Variants in FAM98A observed in about 807,000 individuals in gnomAD.
FAM98A encodes tRNA splicing ligase complex subunit 3A, also known as protein FAM98A.
Under a neutral mutation model 62.9 loss-of-function variants are expected in FAM98A, and 25 were observed. The observed-to-expected ratio is 0.40, with a 90% CI of 0.29 to 0.56. The LOEUF (loss-of-function observed/expected upper bound fraction) is 0.56, where lower values mean the gene tolerates loss of function less well. FAM98A is among the 20% of genes least tolerant of loss of function. The pLI is 0.51. For missense variants in FAM98A, 653 were observed against 640.7 expected, an observed-to-expected ratio of 1.02 and a Z score of -0.21; for synonymous variants, 252 against 228.6, an observed-to-expected ratio of 1.10 and a Z score of -0.92.
At chr2:33,586,917 T>C (rs1677570023) in intron 5 of FAM98A, 1 of 537,998 alleles carries the variant, frequency 1.9e-6, no homozygotes, top group Non-Finnish European at 3.3e-6. Flanking sequence ...TCCCATAATT[T>C]ACTGTGTGAA....
At chr2:33,585,891 G>T (rs573536888) in intron 6 of FAM98A, among the ~76,000 whole-genome samples, 194 bp from the exon 7 acceptor site, 45 of 152,282 alleles carry the variant, frequency 3.0e-4, no homozygotes, top group Non-Finnish European at 5.9e-4. Context: ...TGCCAGACTT[G>T]TTGACACAAC....
chr2:33,599,144 G>C, intron 1 of FAM98A, 25 bp downstream of exon 1: 1 of 1,608,096 alleles, frequency 6.2e-7, no homozygotes, highest in Non-Finnish European at 8.5e-7. Context: ...TGGGGCTTGG[G>C]AGACCCGTGC....
chr2:33,585,430 C>A lies in FAM98A; in HGVS notation c.903G>T (p.Arg301Ser), dbSNP rs762814942. ...TGGGTCTACCACCTCTGTCAGGCACCCTGCCCATCAACACCTACAGAATAG... is the reference window on the plus strand; with the variant it reads ...TGGGTCTACCACCTCTGTCAGGCACACTGCCCATCAACACCTACAGAATAG... Reference protein sequence around the residue: ...ACAINKVLMGRVPDRGGRPNE... With the variant: ...ACAINKVLMGSVPDRGGRPNE... Residue 301 changes from arginine (R) to serine (S), a missense_variant, in exon 8 of 8, where the codon AGG becomes AGT. By Grantham distance (110) the Arg-to-Ser change is moderately radical. Coordinates refer to ENST00000238823, the MANE Select transcript of FAM98A (RefSeq NM_015475.5). The A allele has an allele frequency of 3.1e-6, 5 of 1,613,964 alleles. No individual in the cohort carries two copies. The African/African-American group carries it at 5.3e-5, about 17-fold the overall frequency.
chr2:33,594,986 T>C lies in FAM98A; in HGVS notation c.202+503A>G, dbSNP rs149141865. ...CAGCTCTCAGATCCATAAATTTGAT[T>C]GTCCTGGATCTCACTGTGATGTATC... On this transcript the variant is annotated intron_variant, in intron 2 of 7. Transcript: ENST00000238823. Among the ~76,000 whole-genome samples the C allele has an allele frequency of 1.7e-3, 256 of 152,336 alleles. 1 individual carries two copies. Among genetic ancestry groups the C allele is most frequent in the African/African-American group, 5.8e-3 (242 of 41,576 alleles).
At chr2:33,590,890 A>T (rs1029391998) in intron 3 of FAM98A, among the ~76,000 whole-genome samples, 4 of 152,190 alleles carry the variant, frequency 2.6e-5, no homozygotes, top group African/African-American at 4.8e-5. Flanking sequence ...ATTAGTAAGC[A>T]TTCCACACAG....
At chr2:33,594,820 G>A (rs952237243) in intron 2 of FAM98A, among the ~76,000 whole-genome samples, 1 of 152,056 alleles carries the variant, frequency 6.6e-6, no homozygotes, top group Non-Finnish European at 1.5e-5. Context: ...TAACAGGTGA[G>A]TATTTTCCTT....
chr2:33,586,490 T>C (rs1677557051), intron 6 of FAM98A, 72 bp downstream of exon 6: 4 of 993,318 alleles, frequency 4.0e-6, no homozygotes, highest in South Asian at 1.4e-5. Flanking sequence ...AGTTGCCAAG[T>C]AGCTAAATTG....
chr2:33,588,558 C>T (rs1677607744), intron 3 of FAM98A, 39 bp from the exon 4 acceptor site: 1 of 1,554,546 alleles, frequency 6.4e-7, no homozygotes, highest in Admixed American at 1.7e-5. Context: ...TGAGATACAG[C>T]TATAGTTATA....
At chr2:33,587,147 C>T in intron 5 of FAM98A, 93 bp downstream of exon 5, 1 of 801,418 alleles carries the variant, frequency 1.2e-6, no homozygotes, top group South Asian at 1.6e-5. Flanking sequence ...TATAAGAAAA[C>T]ATAATTTAAA....
At chr2:33,588,939 T>C (rs1353289168) in intron 3 of FAM98A, 1 of 152,992 alleles carries the variant, frequency 6.5e-6, no homozygotes, top group Non-Finnish European at 1.5e-5. Flanking sequence ...TGAGCATCAA[T>C]GACACAACTA....
rs1334315581 is a variant in FAM98A at position 33,584,293 on chromosome 2, A to G, written c.*483T>C. On this transcript the variant is annotated 3_prime_UTR_variant, in exon 8 of 8. Coordinates refer to ENST00000238823, the MANE Select transcript of FAM98A (RefSeq NM_015475.5). ...TGAAGCACACGTGGCATAAAAGTCAACCGGGGGGCAGAACTGTGCTTGGAA... is the reference window on the plus strand; with the variant it reads ...TGAAGCACACGTGGCATAAAAGTCAGCCGGGGGGCAGAACTGTGCTTGGAA... 1 of 157,488 alleles carries G rather than the reference A, an allele frequency of 6.3e-6. No individual in the cohort carries two copies. The highest frequency in any genetic ancestry group is 6.1e-5 in the Admixed American group (1 of 16,418). 9.8% of individuals were successfully genotyped at this position (157,488 alleles called of 1,614,324 possible).
chr2:33,590,165 A>G (rs1287572252), intron 3 of FAM98A, among the ~76,000 whole-genome samples: 2 of 152,150 alleles, frequency 1.3e-5, no homozygotes, highest in East Asian at 3.8e-4. Flanking sequence ...AAAGATGAAT[A>G]GTTCTTCATC....
chr2:33,585,121 G>T lies in FAM98A; in HGVS notation c.1212C>A (p.Phe404Leu), dbSNP rs371580105. The change falls in exon 8 of 8, where the codon TTC becomes TTA. Residue 404 changes from phenylalanine (F) to leucine (L), a missense_variant. Transcript: ENST00000238823. ...GGCCACCATGATAGCCACCTGGCTG[G>T]AAACCTGAATCTCGATAACCACCAT... is the stretch of plus-strand genomic sequence containing the variant. ...YQDGGYRDSG[F>L]QPGGYHGGHS... 150 of 1,613,982 alleles carry T rather than the reference G, an allele frequency of 9.3e-5. No individual in the cohort carries two copies. The highest frequency in any genetic ancestry group is 1.3e-4 in the Non-Finnish European group (148 of 1,180,014).
chr2:33,592,071 T>C lies in FAM98A; in HGVS notation c.337+9A>G, dbSNP rs141905297. 1.7e-5 allele frequency: 27 copies of C among 1,611,136 alleles called. No homozygotes were observed. In the African/African-American group the frequency reaches 3.1e-4, roughly 18 times the overall value. ...AGTAATAGCTATATTCTAGTAGCCA[T>C]GAACTTACTGAGCAAGAGGAGGCAG... On this transcript the variant is annotated intron_variant, in intron 3 of 7. Coordinates refer to ENST00000238823, the MANE Select transcript of FAM98A (RefSeq NM_015475.5).
chr2:33,596,167 A>G (rs1024916673), intron 1 of FAM98A, among the ~76,000 whole-genome samples: 2 of 151,972 alleles, frequency 1.3e-5, no homozygotes, highest in African/African-American at 4.8e-5. Flanking sequence ...TTTATTTTTT[A>G]TAAAATAGCC....
At chr2:33,594,897 T>C (rs1677773182) in intron 2 of FAM98A, among the ~76,000 whole-genome samples, 1 of 152,142 alleles carries the variant, frequency 6.6e-6, no homozygotes, top group South Asian at 2.1e-4. Flanking sequence ...GTTCCAAGCT[T>C]TTGCCTCTTT....
Position 33,585,075 on chromosome 2 carries a change from C to T in FAM98A, c.1258G>A (p.Gly420Ser). Residue 420 changes from glycine to serine, a missense_variant, in exon 8 of 8, where the codon GGC (glycine) becomes AGC (serine). Transcript: ENST00000238823. ...HGGHSSGGYQ[G>S]GGYGGFQTSS... ...GTTTGGAAGCCACCATAACCTCCGC[C>T]TTGATAGCCACCACTGCTGTGGCCA... 6.2e-7 allele frequency: 1 copy of T among 1,614,182 alleles called. No individual in the cohort carries two copies. The highest frequency in any genetic ancestry group is 1.1e-5 in the South Asian group (1 of 91,084).
rs1162460699 is a variant in FAM98A at position 33,594,668 on chromosome 2, CATATATATAT to C, written c.202+811_202+820del. Among the ~76,000 whole-genome samples, 243 of 114,056 alleles carry C rather than the reference CATATATATAT, an allele frequency of 2.1e-3. 56 individuals are homozygous for C. Among genetic ancestry groups the C allele is most frequent in the African/African-American group, 6.5e-3 (135 of 20,654 alleles). The allele number at this position is 114,056 out of a possible 152,430, so 74.8% of individuals were successfully genotyped here. A position where few individuals can be genotyped will look rare whatever the true frequency, so the allele number is the denominator to read the frequency against. Reference sequence around the variant, plus strand: ...ATATATATACACACATATATATACACATATATATATACACACATATATATACACATATATA... The same window carrying C: ...ATATATATACACACATATATATACACACACACATATATATACACATATATA... On this transcript the variant is annotated intron_variant, in intron 2 of 7. Coordinates refer to ENST00000238823, the MANE Select transcript of FAM98A (RefSeq NM_015475.5).
intron 3 of FAM98A, among the ~76,000 whole-genome samples, chr2:33,590,570 T>A (rs970526754): frequency 6.6e-6 from 1 of 152,010 alleles, no homozygotes; most frequent in Admixed American, 6.5e-5. Flanking sequence ...GAAGCAAAGA[T>A]AAAGAGGGAA....
Sources: allele counts gnomAD v4.1 joint callset (sites outside exome capture counted in the v4.1 genomes callset), GRCh38; gene constraint gnomAD v4.1.1; transcripts MANE v1.5; gene names NCBI Gene and HGNC (gene_info 2026-07-23, HGNC 2026-07-21).